Variants in ZYG11B observed in about 807,000 individuals in gnomAD.
ZYG11B encodes the protein zyg-11 family member B, cell cycle regulator, also known as protein zyg-11 homolog B.
A neutral mutation model predicts 82.4 loss-of-function variants in ZYG11B; 36 were observed. The observed-to-expected ratio is 0.44, with a 90% CI of 0.33 to 0.58. The LOEUF (loss-of-function observed/expected upper bound fraction) is 0.58. Ranked by LOEUF, ZYG11B falls within the 20% of genes least tolerant of loss-of-function variation. ZYG11B has a pLI of 0.02. For missense variants in ZYG11B, 552 were observed against 895.6 expected (o/e 0.62, Z 4.90); for synonymous variants, 303 against 312.8 (o/e 0.97, Z 0.33).
chr1:52,777,066 C>T (rs1375069972), intron 3 of ZYG11B, among the ~76,000 whole-genome samples: 5 of 151,812 alleles, frequency 3.3e-5, no homozygotes, highest in Non-Finnish European at 5.9e-5. Flanking sequence ...AAAAATTAGC[C>T]GGGCGTGGTG....
intron 13 of ZYG11B, among the ~76,000 whole-genome samples, chr1:52,817,666 G>A (rs1164275097): frequency 6.0e-5 from 9 of 149,712 alleles, no homozygotes; most frequent in East Asian, 2.0e-4. Flanking sequence ...CATTACAGGC[G>A]TCAGCCATCA....
At position 52,779,975 on chromosome 1, in the gene ZYG11B, A is replaced by G. The variant is rs774036995; in HGVS notation, c.1074A>G (p.Thr358=). The change falls in exon 4 of 14, where the codon ACA becomes ACG. Residue 358 remains threonine (T), a synonymous_variant. Transcript: ENST00000294353. The part of the protein sequence containing the change: ...LFSLTHVMEK[T]KPEILKLVVT... ...GTCTGACTCATGTGATGGAAAAAAC[A>G]AAGCCAGAAATTTTAAAGGTAAGAA... The G allele has an allele frequency of 1.2e-6, 2 of 1,613,708 alleles. No individual in the cohort carries two copies. The highest frequency in any genetic ancestry group is 2.2e-5 in the East Asian group (1 of 44,886).
intron 13 of ZYG11B, among the ~76,000 whole-genome samples, chr1:52,818,025 A>G (rs1645250618): frequency 6.7e-6 from 1 of 149,768 alleles, no homozygotes; most frequent in Non-Finnish European, 1.5e-5. Flanking sequence ...TTTAGTAGAG[A>G]CAGGGTTTCA....
intron 13 of ZYG11B, among the ~76,000 whole-genome samples, chr1:52,820,944 T>TA (rs1571806231): frequency 6.6e-6 from 1 of 150,982 alleles, no homozygotes; most frequent in Non-Finnish European, 1.5e-5. Flanking sequence ...CTACTAAAAA[T>TA]AAAAAAATTA....
intron 1 of ZYG11B, among the ~76,000 whole-genome samples, chr1:52,733,987 C>G (rs1447338342): frequency 6.6e-6 from 1 of 151,878 alleles, no homozygotes; most frequent in East Asian, 1.9e-4. Context: ...TTGAAATAGA[C>G]ATAATTTTTT....
intron 10 of ZYG11B, 94 bp from the exon 11 acceptor site, chr1:52,813,442 C>A: frequency 1.1e-6 from 1 of 939,746 alleles, no homozygotes; most frequent in Non-Finnish European, 1.6e-6. Context: ...TTTCACCTTC[C>A]TGAATTGCCT....
At chr1:52,794,412 G>A (rs896649230) in intron 6 of ZYG11B, among the ~76,000 whole-genome samples, 1 of 152,148 alleles carries the variant, frequency 6.6e-6, no homozygotes, top group African/African-American at 2.4e-5. Flanking sequence ...GAAGGTAATA[G>A]TAAATTTAAG....
intron 3 of ZYG11B, among the ~76,000 whole-genome samples, chr1:52,779,346 C>T (rs1366724928): frequency 2.0e-5 from 3 of 152,088 alleles, no homozygotes; most frequent in Non-Finnish European, 4.4e-5. Context: ...TGGTCTTATG[C>T]TAGGTTCTGA....
intron 10 of ZYG11B, among the ~76,000 whole-genome samples, chr1:52,806,807 A>G (rs538416990): frequency 1.4e-4 from 21 of 151,642 alleles, no homozygotes; most frequent in African/African-American, 4.6e-4. Flanking sequence ...GATCATTTAC[A>G]TTTCCTGTGA....
At chr1:52,765,531 G>A (rs1644675372) in intron 2 of ZYG11B, among the ~76,000 whole-genome samples, 1 of 151,764 alleles carries the variant, frequency 6.6e-6, no homozygotes. Flanking sequence ...TCCCAGTCAG[G>A]GTCTTACTCT....
At chr1:52,742,249 G>T (rs1644436533) in intron 1 of ZYG11B, among the ~76,000 whole-genome samples, 1 of 151,998 alleles carries the variant, frequency 6.6e-6, no homozygotes, top group Admixed American at 6.6e-5. Flanking sequence ...TTGAGCCCAG[G>T]AGTTCAAACC....
chr1:52,729,092 A>C (rs1644308211), intron 1 of ZYG11B, among the ~76,000 whole-genome samples: 1 of 152,176 alleles, frequency 6.6e-6, no homozygotes, highest in African/African-American at 2.4e-5. Flanking sequence ...GGAAGTCCAA[A>C]ATCAGTTCCC....
Position 52,730,013 on chromosome 1 carries a change from G to A in ZYG11B, c.30+3330G>A, listed in dbSNP as rs559708509. Among the ~76,000 whole-genome samples, 1,434 of 152,202 alleles carry A rather than the reference G, an allele frequency of 9.4e-3. 12 individuals carry two copies. The highest frequency in any genetic ancestry group is 0.016 in the Non-Finnish European group (1,077 of 68,002). ...TGCAGAGATGGGGTTTCGCCATGTT[G>A]CCTAGGCTGGCCTCAAACTCCTGGG... On this transcript the variant is annotated intron_variant, in intron 1 of 13. Transcript: ENST00000294353.
At chr1:52,742,292 AAAAC>A (rs1644436869) in intron 1 of ZYG11B, among the ~76,000 whole-genome samples, 1 of 152,078 alleles carries the variant, frequency 6.6e-6, no homozygotes, top group Non-Finnish European at 1.5e-5. Flanking sequence ...TCTCTACACA[AAAAC>A]AAAAAATTAG....
At chr1:52,750,942 C>T (rs1029594112) in intron 1 of ZYG11B, among the ~76,000 whole-genome samples, 1 of 152,168 alleles carries the variant, frequency 6.6e-6, no homozygotes, top group Admixed American at 6.6e-5. Context: ...AGTACATCAG[C>T]ATTCCTGTTT....
At chr1:52,776,572 A>G (rs886690460) in intron 3 of ZYG11B, among the ~76,000 whole-genome samples, 11 of 151,618 alleles carry the variant, frequency 7.3e-5, no homozygotes, top group Non-Finnish European at 1.6e-4. Flanking sequence ...AGTCTTTAAC[A>G]TTCCAGTAAC....
At chr1:52,796,977 A>ATATAT (rs1395029991) in intron 8 of ZYG11B, among the ~76,000 whole-genome samples, 193 bp downstream of exon 8, 1 of 63,770 alleles carries the variant, frequency 1.6e-5, no homozygotes, top group Non-Finnish European at 2.5e-5. Flanking sequence ...AATATATATA[A>ATATAT]ATATATATAT....
At chr1:52,759,904 C>T (rs1182553682) in intron 2 of ZYG11B, among the ~76,000 whole-genome samples, 1 of 152,166 alleles carries the variant, frequency 6.6e-6, no homozygotes, top group Non-Finnish European at 1.5e-5. Flanking sequence ...GATCTCGGCT[C>T]ACTACAACCT....
rs188168292 is a variant in ZYG11B at position 52,785,178 on chromosome 1, G to C, written c.1269+125G>C. ...TTTGGAGGCTGTGGTATGACTGAGT[G>C]TAAGAAAACAGAGAAGTGGACACCA... On this transcript the variant is annotated intron_variant, in intron 5 of 13. Coordinates refer to ENST00000294353, the MANE Select transcript of ZYG11B (RefSeq NM_024646.3). 6.6e-5 allele frequency: 69 copies of C among 1,052,420 alleles called. No homozygotes were observed. In the African/African-American group the frequency reaches 8.4e-4, roughly 13 times the overall value. 65.2% of individuals were successfully genotyped at this position (1,052,420 alleles called of 1,614,324 possible).
Sources: gnomAD v4.1 joint callset for allele counts (sites outside exome capture counted in the v4.1 genomes callset) on GRCh38, gnomAD v4.1.1 for gene constraint, MANE v1.5 for transcripts, NCBI Gene and HGNC (gene_info 2026-07-23, HGNC 2026-07-21) for gene names.